TTC7B: variants seen among roughly 807,000 people sequenced by gnomAD.
TTC7B encodes tetratricopeptide repeat protein 7B.
TTC7B carries 28 observed loss-of-function variants against 106.8 expected under a neutral mutation model. That is an observed-to-expected ratio of 0.26 (90% CI 0.19 to 0.36). The LOEUF (loss-of-function observed/expected upper bound fraction) is 0.36. Among genes scored for constraint, TTC7B ranks in the 10% least tolerant of loss-of-function variants. The pLI, the probability that TTC7B is intolerant of heterozygous loss-of-function variation, is 1.00. For synonymous variants in TTC7B, 405 were observed against 430.6 expected (o/e 0.94, Z 0.74); for missense variants, 862 against 1,076.4 (o/e 0.80, Z 2.79).
chr14:90,616,775 G>A (rs1893097292), intron 16 of TTC7B, among the ~76,000 whole-genome samples: 1 of 152,036 alleles, frequency 6.6e-6, no homozygotes, highest in African/African-American at 2.4e-5. Flanking sequence ...CTCCCTCCCT[G>A]CTGGTCTCTG....
intron 3 of TTC7B, among the ~76,000 whole-genome samples, chr14:90,777,409 C>T (rs1408263023): frequency 1.3e-5 from 2 of 152,070 alleles, no homozygotes; most frequent in Non-Finnish European, 2.9e-5. Context: ...GTTAAAGAGA[C>T]AGGAAATCCC....
At chr14:90,813,457 TGGAA>T (rs1243865618) in intron 1 of TTC7B, among the ~76,000 whole-genome samples, 1 of 152,114 alleles carries the variant, frequency 6.6e-6, no homozygotes, top group Admixed American at 6.6e-5. Context: ...TCAATCTTTG[TGGAA>T]GGAAGGAAGG....
intron 1 of TTC7B, among the ~76,000 whole-genome samples, chr14:90,796,862 T>C (rs1431681156): frequency 6.6e-6 from 1 of 151,442 alleles, no homozygotes; most frequent in Admixed American, 6.6e-5. Context: ...TTTTCTTTTT[T>C]TTTTTGAGAC....
At chr14:90,559,496 C>T (rs1410259708) in intron 19 of TTC7B, among the ~76,000 whole-genome samples, 1 of 152,178 alleles carries the variant, frequency 6.6e-6, no homozygotes, top group Admixed American at 6.5e-5. Flanking sequence ...TCTGGGCACC[C>T]CTTGGCTCTC....
At chr14:90,803,427 C>T (rs1042124379) in intron 1 of TTC7B, among the ~76,000 whole-genome samples, 2 of 152,182 alleles carry the variant, frequency 1.3e-5, no homozygotes, top group Admixed American at 1.3e-4. Context: ...ACTCAGCTCC[C>T]CTGGGGTGCC....
At chr14:90,765,349 G>A (rs751684660) in intron 3 of TTC7B, among the ~76,000 whole-genome samples, 2 of 152,074 alleles carry the variant, frequency 1.3e-5, no homozygotes, top group Non-Finnish European at 2.9e-5. Context: ...ATGGGTAAAG[G>A]TTTCTTTTTT....
intron 15 of TTC7B, among the ~76,000 whole-genome samples, chr14:90,636,992 A>G (rs1164405721): frequency 1.3e-5 from 2 of 151,512 alleles, no homozygotes; most frequent in African/African-American, 4.8e-5. Flanking sequence ...CCCAAAATAC[A>G]ACAAGACAGA....
chr14:90,785,303 G>A (rs1419292770), intron 2 of TTC7B, among the ~76,000 whole-genome samples: 1 of 152,116 alleles, frequency 6.6e-6, no homozygotes, highest in African/African-American at 2.4e-5. Flanking sequence ...AGGATTCCGA[G>A]ACAGGAAGAG....
chr14:90,737,712 C>T (rs1373148758), intron 4 of TTC7B, among the ~76,000 whole-genome samples: 1 of 152,060 alleles, frequency 6.6e-6, no homozygotes, highest in Non-Finnish European at 1.5e-5. Flanking sequence ...GTGCACACCA[C>T]CACGCCCGAC....
intron 3 of TTC7B, among the ~76,000 whole-genome samples, chr14:90,752,781 G>A (rs780200999): frequency 6.6e-6 from 1 of 152,320 alleles, no homozygotes; most frequent in Non-Finnish European, 1.5e-5. Flanking sequence ...CCGACCCCTG[G>A]TCTATCTGAC....
At chr14:90,679,934 G>A (rs376675174) in intron 8 of TTC7B, among the ~76,000 whole-genome samples, 2 of 152,336 alleles carry the variant, frequency 1.3e-5, no homozygotes, top group African/African-American at 2.4e-5. Context: ...CTCACGGCCT[G>A]GGACTTTACA....
In TTC7B at chr14:90,529,154, G is replaced by A. The variant is rs1049482404; in HGVS notation, c.*12214C>T. 1 of 151,508 alleles carries A rather than the reference G, an allele frequency of 6.6e-6. No homozygotes were observed. Among genetic ancestry groups the A allele is most frequent in the African/African-American group, 2.4e-5 (1 of 41,256 alleles). The allele number at this position is 151,508 out of a possible 1,614,324, so 9.4% of individuals were successfully genotyped here. Reference sequence around the variant, plus strand: ...GTTTCCAATGGCGTGACCTGACTGCGCTTTGTTACCTGTTTCTGATGGCGT... The same window carrying A: ...GTTTCCAATGGCGTGACCTGACTGCACTTTGTTACCTGTTTCTGATGGCGT... On this transcript the variant is annotated 3_prime_UTR_variant, in exon 20 of 20. Transcript: ENST00000328459.
intron 5 of TTC7B, among the ~76,000 whole-genome samples, chr14:90,727,621 G>A (rs1398766858): frequency 3.3e-5 from 5 of 152,190 alleles, no homozygotes; most frequent in Non-Finnish European, 5.9e-5. Flanking sequence ...TGGAAAAGAT[G>A]GGAGAGTTCT....
intron 9 of TTC7B, among the ~76,000 whole-genome samples, chr14:90,666,942 GGGGTCCT>G (rs1448700134): frequency 2.0e-5 from 3 of 152,178 alleles, no homozygotes; most frequent in Non-Finnish European, 4.4e-5. Context: ...AGGGGTCTCC[GGGGTCCT>G]ACTCAAATAC....
intron 15 of TTC7B, 84 bp downstream of exon 15, chr14:90,643,964 T>C (rs1169001622): frequency 6.6e-7 from 1 of 1,515,636 alleles, no homozygotes; most frequent in Non-Finnish European, 9.2e-7. Flanking sequence ...CATGAGGGAC[T>C]TAGACAGATT....
chr14:90,704,591 G>A (rs962173578), intron 5 of TTC7B, among the ~76,000 whole-genome samples: 1 of 152,192 alleles, frequency 6.6e-6, no homozygotes, highest in Admixed American at 6.5e-5. Flanking sequence ...AGCAGCCTGG[G>A]AAGGCTCCCA....
At chr14:90,727,245 C>G (rs1022422011) in intron 5 of TTC7B, among the ~76,000 whole-genome samples, 23 of 152,136 alleles carry the variant, frequency 1.5e-4, no homozygotes, top group African/African-American at 5.6e-4. Flanking sequence ...CAAGTGCTCC[C>G]TCACAGAGGG....
rs567044195 is a variant in TTC7B at position 90,541,404 on chromosome 14, G to A, written c.2496C>T (p.Pro832=). Reference sequence around the variant, plus strand: ...GGGGGATGATGGTGAAGGGCACGGCGGGGCTGCTGGCCTCCAGCTCCAAGG... The same window carrying A: ...GGGGGATGATGGTGAAGGGCACGGCAGGGCTGCTGGCCTCCAGCTCCAAGG... ...LTALELEASS[P]AVPFTIIPRV... Residue 832 remains proline (P), a synonymous_variant, in exon 20 of 20, where the codon CCC becomes CCT. Transcript: ENST00000328459. 9.3e-6 allele frequency: 15 copies of A among 1,610,766 alleles called. No homozygotes were observed. The East Asian group carries it at 1.3e-4, about 14-fold the overall frequency.
chr14:90,629,456 C>G (rs903983971), intron 15 of TTC7B, among the ~76,000 whole-genome samples: 1 of 152,134 alleles, frequency 6.6e-6, no homozygotes, highest in Non-Finnish European at 1.5e-5. Flanking sequence ...AAATGGATAA[C>G]AGATGAAACA....
Sources: gnomAD v4.1 joint callset for allele counts (sites outside exome capture counted in the v4.1 genomes callset) on GRCh38, gnomAD v4.1.1 for gene constraint, MANE v1.5 for transcripts, NCBI Gene and HGNC (gene_info 2026-07-23, HGNC 2026-07-21) for gene names.